Variants in CSMD1 observed in about 807,000 individuals in gnomAD.
CSMD1 encodes CUB and sushi domain-containing protein 1.
A neutral mutation model predicts 417.5 loss-of-function variants in CSMD1; 213 were observed. The observed-to-expected ratio is 0.51, with a 90% confidence interval of 0.46 to 0.57. CSMD1 has a LOEUF of 0.57. Among genes scored for constraint, CSMD1 ranks in the 20% least tolerant of loss-of-function variants. CSMD1 has a pLI of 0.00. For synonymous variants in CSMD1, 2,862 were observed against 1,736.8 expected, an observed-to-expected ratio of 1.65 and a Z score of -16.11; for missense variants, 6,923 against 4,529.7, an observed-to-expected ratio of 1.53 and a Z score of -15.17.
chr8:3,099,097 T>G (rs1815551072), intron 46 of CSMD1, among the ~76,000 whole-genome samples: 1 of 151,992 alleles, frequency 6.6e-6, no homozygotes, highest in Non-Finnish European at 1.5e-5. Context: ...CCGTTCACCC[T>G]TCCCCCAAGC....
At chr8:4,058,590 G>C (rs1798815858) in intron 3 of CSMD1, among the ~76,000 whole-genome samples, 1 of 151,470 alleles carries the variant, frequency 6.6e-6, no homozygotes. Flanking sequence ...TAAAAGGATG[G>C]AGGAAGATCT....
chr8:4,399,334 C>T (rs1247535648), intron 3 of CSMD1, among the ~76,000 whole-genome samples: 2 of 152,120 alleles, frequency 1.3e-5, no homozygotes, highest in Non-Finnish European at 2.9e-5. Flanking sequence ...TTAAACAATA[C>T]ACCATATAGT....
intron 3 of CSMD1, among the ~76,000 whole-genome samples, chr8:4,328,444 G>A (rs186189034): frequency 1.4e-4 from 21 of 151,330 alleles, no homozygotes; most frequent in Admixed American, 1.3e-3. Context: ...TACAAATTTC[G>A]GTTGTCACAC....
intron 3 of CSMD1, among the ~76,000 whole-genome samples, chr8:4,396,698 A>G (rs1804246209): frequency 6.6e-6 from 1 of 152,132 alleles, no homozygotes; most frequent in Non-Finnish European, 1.5e-5. Context: ...CCGATCAGCC[A>G]TAAAATGGAA....
intron 61 of CSMD1, among the ~76,000 whole-genome samples, chr8:2,961,757 C>T (rs992501347): frequency 6.6e-6 from 1 of 152,182 alleles, no homozygotes; most frequent in African/African-American, 2.4e-5. Context: ...ACTTGCTGCT[C>T]TACAGTTACC....
intron 3 of CSMD1, among the ~76,000 whole-genome samples, chr8:4,188,737 T>C (rs968086439): frequency 3.0e-4 from 45 of 151,792 alleles, no homozygotes; most frequent in African/African-American, 8.7e-4. Flanking sequence ...TTTTGAGTAA[T>C]GTCTAGAAAA....
chr8:4,109,250 G>A (rs949241283), intron 3 of CSMD1, among the ~76,000 whole-genome samples: 4 of 152,016 alleles, frequency 2.6e-5, no homozygotes, highest in African/African-American at 9.7e-5. Flanking sequence ...TTTTCTGAAT[G>A]TTTTTGACCC....
rs370115395 is a variant in CSMD1, at chr8:3,638,090, A to C, written c.1010-21293T>G. ...CTTTTCTAACCACACACAGCTATCA[A>C]ATCAAGGAGCTCAGATTTAAACCCA... is the stretch of plus-strand genomic sequence containing the variant. On this transcript the variant is annotated intron_variant, in intron 7 of 69. Transcript: ENST00000635120. Among the ~76,000 whole-genome samples, 4 of 152,242 alleles carry C rather than the reference A, an allele frequency of 2.6e-5. No homozygotes were observed. In the South Asian group the frequency reaches 8.3e-4, roughly 32 times the overall value.
intron 3 of CSMD1, among the ~76,000 whole-genome samples, chr8:4,215,162 G>A (rs1022572307): frequency 2.0e-5 from 3 of 152,196 alleles, no homozygotes; most frequent in Non-Finnish European, 4.4e-5. Context: ...ATCCCAAACA[G>A]GGGCTGATAG....
intron 4 of CSMD1, among the ~76,000 whole-genome samples, chr8:4,015,971 A>C (rs758218554): frequency 6.6e-6 from 1 of 152,208 alleles, no homozygotes; most frequent in Non-Finnish European, 1.5e-5. Context: ...TTGGAGGGAA[A>C]TGTAGAAAAG....
At chr8:3,195,246 G>T (rs1796640076) in intron 33 of CSMD1, among the ~76,000 whole-genome samples, 1 of 152,166 alleles carries the variant, frequency 6.6e-6, no homozygotes, top group African/African-American at 2.4e-5. Flanking sequence ...TCAGAGGGAT[G>T]CGGGAGAAGA....
chr8:2,973,779 GT>G (rs1804669021), intron 56 of CSMD1, among the ~76,000 whole-genome samples: 2 of 151,946 alleles, frequency 1.3e-5, no homozygotes, highest in Admixed American at 6.6e-5. Flanking sequence ...TAAAGATAAT[GT>G]TTTTTTTCTT....
At chr8:3,622,047 G>C (rs1796277926) in intron 7 of CSMD1, among the ~76,000 whole-genome samples, 2 of 151,360 alleles carry the variant, frequency 1.3e-5, no homozygotes, top group East Asian at 1.9e-4. Context: ...CTAACATTCT[G>C]ATACTCTACT....
chr8:4,735,356 G>C (rs1284601733), intron 1 of CSMD1, among the ~76,000 whole-genome samples: 1 of 152,176 alleles, frequency 6.6e-6, no homozygotes, highest in East Asian at 1.9e-4. Flanking sequence ...TGGATTTTCT[G>C]TTGCCAAGCC....
chr8:4,281,208 A>G (rs1017967023), intron 3 of CSMD1, among the ~76,000 whole-genome samples: 10 of 152,186 alleles, frequency 6.6e-5, no homozygotes, highest in Non-Finnish European at 1.3e-4. Context: ...GAAATATAAA[A>G]GTGGAAAATA....
At chr8:4,644,337 T>G (rs1803381315) in intron 1 of CSMD1, among the ~76,000 whole-genome samples, 1 of 152,160 alleles carries the variant, frequency 6.6e-6, no homozygotes. Context: ...CAGGTCTCAC[T>G]CAATGCAGTA....
intron 55 of CSMD1, 74 bp from the exon 56 acceptor site, chr8:2,974,698 A>G: frequency 8.9e-7 from 1 of 1,129,660 alleles, no homozygotes; most frequent in East Asian, 2.7e-5. Flanking sequence ...TCTCCCATAC[A>G]GACACCCATA....
chr8:4,245,630 C>G (rs1040117010), intron 3 of CSMD1, among the ~76,000 whole-genome samples: 1 of 152,108 alleles, frequency 6.6e-6, no homozygotes, highest in Non-Finnish European at 1.5e-5. Context: ...CATAATCAAA[C>G]CAAGGAAATC....
At chr8:3,501,031 T>C (rs571966317) in intron 10 of CSMD1, among the ~76,000 whole-genome samples, 1 of 152,124 alleles carries the variant, frequency 6.6e-6, no homozygotes, top group African/African-American at 2.4e-5. Flanking sequence ...GTATTTTCCT[T>C]GACAAAATAT....
Sources: gnomAD v4.1 joint callset for allele counts (sites outside exome capture counted in the v4.1 genomes callset) on GRCh38, gnomAD v4.1.1 for gene constraint, MANE v1.5 for transcripts, NCBI Gene and HGNC (gene_info 2026-07-23, HGNC 2026-07-21) for gene names.